Variants in ZNF420 observed in about 807,000 individuals in gnomAD.
The protein encoded by ZNF420 is zinc finger protein 420, also known as ATM and p53-associated KZNF protein.
A neutral mutation model predicts 44.7 loss-of-function variants in ZNF420; 31 were observed. The ratio of observed to expected loss-of-function variants is 0.69; its 90% CI spans 0.52 to 0.94. The LOEUF is 0.94. Among genes scored for constraint, ZNF420 ranks in the 40% least tolerant of loss-of-function variants. The probability of loss-of-function intolerance (pLI) is 0.00; values close to 1 mark genes in which losing one functional copy is unlikely to be tolerated. For synonymous variants in ZNF420, 245 were observed against 267.4 expected (o/e 0.92, Z 0.82); for missense variants, 681 against 827.9 (o/e 0.82, Z 2.18).
intron 1 of ZNF420, among the ~76,000 whole-genome samples, chr19:37,024,502 T>TTA (rs2074670855): frequency 6.6e-6 from 1 of 152,136 alleles, no homozygotes; most frequent in Non-Finnish European, 1.5e-5. Flanking sequence ...CAGGCTGGGG[T>TTA]GCAGTGGTGC....
At chr19:37,087,321 ATAAATAAATAAATAAAAATT>A (rs1968872976) in intron 2 of ZNF420, among the ~76,000 whole-genome samples, 1 of 149,012 alleles carries the variant, frequency 6.7e-6, no homozygotes, top group African/African-American at 2.5e-5. Context: ...AAATAAATAA[ATAAATAAATAAATAAAAATT>A]AAGAGCTTGG....
chr19:37,078,116 C>G (rs1448335564), upstream of ZNF420: 3 of 152,702 alleles, frequency 2.0e-5, no homozygotes, highest in Non-Finnish European at 4.4e-5. Context: ...CCGGCGGGTC[C>G]CACCCTCTCT....
At chr19:37,058,452 G>A (rs967645873) in intron 1 of ZNF420, among the ~76,000 whole-genome samples, 1 of 152,126 alleles carries the variant, frequency 6.6e-6, no homozygotes, top group Non-Finnish European at 1.5e-5. Context: ...TCCCAGAACT[G>A]AATCTTTCAG....
chr19:37,105,409 G>A (rs903422789), intron 4 of ZNF420, among the ~76,000 whole-genome samples: 28 of 152,320 alleles, frequency 1.8e-4, no homozygotes, highest in African/African-American at 6.5e-4. Context: ...TAGCCTTGTA[G>A]TATAGTTTGA....
intron 1 of ZNF420, among the ~76,000 whole-genome samples, chr19:37,010,318 C>G (rs1289534880): frequency 6.6e-6 from 1 of 152,168 alleles, no homozygotes; most frequent in African/African-American, 2.4e-5. Context: ...GCATCCCAGC[C>G]TCAACTGCCG....
chr19:37,097,447 A>AT (rs1969521523), intron 4 of ZNF420, among the ~76,000 whole-genome samples: 1 of 152,172 alleles, frequency 6.6e-6, no homozygotes, highest in African/African-American at 2.4e-5. Context: ...CTTTAAAAAA[A>AT]GGCAACTAAA....
At position 37,123,031 on chromosome 19, in the gene ZNF420, T is replaced by C. The variant is rs539989579; in HGVS notation, c.137-4097T>C. ...TTCTCAGTAAGTAGCACTTCCATTG[T>C]TCCAACCTTTCAGGCAAAACCTGCA... On this transcript the variant is annotated intron_variant, in intron 4 of 4. Transcript: ENST00000337995. 4.6e-5 allele frequency among the ~76,000 whole-genome samples: 7 copies of C among 152,292 alleles called. No individual in the cohort carries two copies. The East Asian group carries it at 1.2e-3, about 25-fold the overall frequency.
At chr19:37,121,093 A>G (rs1461108909) in intron 4 of ZNF420, among the ~76,000 whole-genome samples, 1 of 150,178 alleles carries the variant, frequency 6.7e-6, no homozygotes, top group African/African-American at 2.5e-5. Context: ...CAAGCTACCA[A>G]TGACTTTCTT....
At chr19:37,126,918 T>C (rs1971373916) in intron 4 of ZNF420, among the ~76,000 whole-genome samples, 1 of 152,100 alleles carries the variant, frequency 6.6e-6, no homozygotes, top group Admixed American at 6.6e-5. Flanking sequence ...TATTGCAGAA[T>C]AGAATAGAAA....
intron 1 of ZNF420, among the ~76,000 whole-genome samples, chr19:37,034,901 A>T (rs572077157): frequency 6.6e-6 from 1 of 152,316 alleles, no homozygotes; most frequent in Admixed American, 6.5e-5. Context: ...AATATTAGGA[A>T]AGCCTTGTTC....
upstream of ZNF420, among the ~76,000 whole-genome samples, chr19:37,076,062 T>A (rs529958479): frequency 3.6e-4 from 55 of 152,212 alleles, no homozygotes; most frequent in South Asian, 7.3e-3. Flanking sequence ...ATACTTTTTT[T>A]AAAAAAATCA....
chr19:37,017,460 G>GTTA (rs1483850463), intron 1 of ZNF420, among the ~76,000 whole-genome samples: 1 of 152,128 alleles, frequency 6.6e-6, no homozygotes, highest in Non-Finnish European at 1.5e-5. Context: ...TATAACCAGG[G>GTTA]TTATACACCA....
At chr19:37,090,334 A>G (rs901501936) in intron 3 of ZNF420, among the ~76,000 whole-genome samples, 1 of 151,838 alleles carries the variant, frequency 6.6e-6, no homozygotes, top group African/African-American at 2.4e-5. Flanking sequence ...TGTCTCTACA[A>G]AAAAATTGGA....
chr19:37,014,490 C>T (rs566769899), intron 1 of ZNF420, among the ~76,000 whole-genome samples: 1 of 152,188 alleles, frequency 6.6e-6, no homozygotes, highest in Non-Finnish European at 1.5e-5. Flanking sequence ...CCTCCTCCTC[C>T]ACCGGGATCC....
chr19:37,104,047 T>C (rs1969932323), intron 4 of ZNF420, among the ~76,000 whole-genome samples: 2 of 151,728 alleles, frequency 1.3e-5, no homozygotes, highest in African/African-American at 4.8e-5. Flanking sequence ...TTGTTACATA[T>C]GTATACATGT....
At chr19:37,020,671 A>C (rs1450502324) in intron 1 of ZNF420, among the ~76,000 whole-genome samples, 1 of 152,270 alleles carries the variant, frequency 6.6e-6, no homozygotes, top group African/African-American at 2.4e-5. Context: ...ATAGATACAT[A>C]AGTAAAATGC....
At chr19:37,058,219 G>A (rs1368244337) in intron 1 of ZNF420, among the ~76,000 whole-genome samples, 1 of 152,074 alleles carries the variant, frequency 6.6e-6, no homozygotes, top group Admixed American at 6.5e-5. Context: ...TGGTTGATTC[G>A]GCCGGTTTGA....
At chr19:37,041,352 A>G (rs1343547574) in intron 1 of ZNF420, among the ~76,000 whole-genome samples, 1 of 151,558 alleles carries the variant, frequency 6.6e-6, no homozygotes, top group Non-Finnish European at 1.5e-5. Context: ...TACATAATTT[A>G]TATACCCAAT....
At position 37,102,420 on chromosome 19, in the gene ZNF420, C is replaced by G. The variant is rs905967322; in HGVS notation, c.136+11299C>G. ...CACAGAGCAACTGTGAGGTTCACTA[C>G]CAGGACTGTTGTCAGCAGGCATAAG... On this transcript the variant is annotated intron_variant, in intron 4 of 4. Coordinates refer to ENST00000337995, the MANE Select transcript of ZNF420 (RefSeq NM_144689.5). Among the ~76,000 whole-genome samples, 3 of 152,298 alleles carry G rather than the reference C, an allele frequency of 2.0e-5. No individual in the cohort carries two copies. The South Asian group carries it at 6.2e-4, about 32-fold the overall frequency.
Sources: gnomAD v4.1 joint callset for allele counts (sites outside exome capture counted in the v4.1 genomes callset) on GRCh38, gnomAD v4.1.1 for gene constraint, MANE v1.5 for transcripts, NCBI Gene and HGNC (gene_info 2026-07-23, HGNC 2026-07-21) for gene names.